CFAP299: variants seen among roughly 807,000 people sequenced by gnomAD.
CFAP299 encodes the protein cilia- and flagella-associated protein 299.
A neutral mutation model predicts 27.0 loss-of-function variants in CFAP299; 21 were observed. The observed-to-expected ratio is 0.78, with a 90% CI of 0.55 to 1.12. The LOEUF is 1.12. CFAP299 is among the 50% of genes most tolerant of loss of function. CFAP299 has a pLI of 0.00. For missense variants in CFAP299, 310 were observed against 276.6 expected (o/e 1.12, Z -0.86); for synonymous variants, 104 against 98.1 (o/e 1.06, Z -0.36).
intron 3 of CFAP299, among the ~76,000 whole-genome samples, chr4:80,792,133 T>C (rs1369654860): frequency 6.6e-6 from 1 of 152,082 alleles, no homozygotes; most frequent in African/African-American, 2.4e-5. Flanking sequence ...AGCCACTGTG[T>C]GTAAATATTA....
chr4:80,418,303 G>GTA lies in CFAP299; in HGVS notation c.242+55431_242+55432dup, dbSNP rs756104988. On this transcript the variant is annotated intron_variant, in intron 2 of 5. Coordinates refer to ENST00000358105, the MANE Select transcript of CFAP299 (RefSeq NM_152770.3). Reference sequence around the variant, plus strand: ...TACATGTATATGCATATGTACATGTGTATATATATATATGTTTGCTATTTC... The same window carrying GTA: ...TACATGTATATGCATATGTACATGTGTATATATATATATATGTTTGCTATTTC... Among the ~76,000 whole-genome samples the GTA allele has an allele frequency of 1.5e-3, 223 of 150,892 alleles. No homozygotes were observed. The Middle Eastern group carries it at 0.034, about 23-fold the overall frequency.
Position 80,832,205 on chromosome 4 carries a change from T to C in CFAP299, c.334-37788T>C, listed in dbSNP as rs183271747. Among the ~76,000 whole-genome samples, 490 of 152,276 alleles carry C rather than the reference T, an allele frequency of 3.2e-3. 1 individual carries two copies. The highest frequency in any genetic ancestry group is 5.1e-3 in the Non-Finnish European group (348 of 68,012). ...TAGGTCTGTGTGTCATTTTTAGCAG[T>C]ACAGGATACGCACTACATAACTCCA... On this transcript the variant is annotated intron_variant, in intron 3 of 5. Coordinates refer to ENST00000358105, the MANE Select transcript of CFAP299 (RefSeq NM_152770.3).
intron 5 of CFAP299, among the ~76,000 whole-genome samples, chr4:80,952,131 T>A (rs1737812173): frequency 1.3e-5 from 2 of 152,184 alleles, no homozygotes; most frequent in Admixed American, 1.3e-4. Flanking sequence ...AAGCATAAAC[T>A]GTTAAATGTA....
chr4:80,554,517 T>C (rs1734694507), intron 2 of CFAP299, among the ~76,000 whole-genome samples: 2 of 151,046 alleles, frequency 1.3e-5, no homozygotes, highest in African/African-American at 4.9e-5. Flanking sequence ...TTTTTTTTTT[T>C]TTTTTTTGTC....
intron 4 of CFAP299, among the ~76,000 whole-genome samples, chr4:80,909,472 T>C (rs891981302): frequency 2.9e-4 from 44 of 152,042 alleles, no homozygotes; most frequent in Non-Finnish European, 4.0e-4. Flanking sequence ...TAATAACATA[T>C]AATTTGAGTC....
intron 2 of CFAP299, among the ~76,000 whole-genome samples, chr4:80,472,859 G>A (rs921928980): frequency 3.9e-5 from 6 of 152,050 alleles, no homozygotes; most frequent in African/African-American, 1.5e-4. Context: ...CTCCAGGTTG[G>A]CTACTCCTGG....
At chr4:80,822,437 G>C (rs933699699) in intron 3 of CFAP299, among the ~76,000 whole-genome samples, 6 of 152,140 alleles carry the variant, frequency 3.9e-5, no homozygotes, top group Non-Finnish European at 2.9e-5. Flanking sequence ...CATATGATGA[G>C]AGTAGTTTGT....
At chr4:80,769,550 A>C (rs1252661927) in intron 3 of CFAP299, among the ~76,000 whole-genome samples, 1 of 152,084 alleles carries the variant, frequency 6.6e-6, no homozygotes, top group African/African-American at 2.4e-5. Context: ...ATAAGCCACC[A>C]TGTGCAGCTA....
At position 80,935,983 on chromosome 4, in the gene CFAP299, A is replaced by G. The variant is rs145504763; in HGVS notation, c.477-8827A>G. Among the ~76,000 whole-genome samples, 327 of 152,332 alleles carry G rather than the reference A, an allele frequency of 2.1e-3. 1 individual carries two copies. The East Asian group carries it at 0.029, about 13-fold the overall frequency. On this transcript the variant is annotated intron_variant, in intron 4 of 5. Coordinates refer to ENST00000358105, the MANE Select transcript of CFAP299 (RefSeq NM_152770.3). Reference sequence around the variant, plus strand: ...GAAAAGCTCAACATCACTGATCATTAGAGAAATGCAAATCAAAACCACAAT... The same window carrying G: ...GAAAAGCTCAACATCACTGATCATTGGAGAAATGCAAATCAAAACCACAAT...
At chr4:80,757,825 T>C (rs912318282) in intron 3 of CFAP299, among the ~76,000 whole-genome samples, 2 of 152,054 alleles carry the variant, frequency 1.3e-5, no homozygotes, top group Non-Finnish European at 2.9e-5. Flanking sequence ...GGAACTGGAA[T>C]GCATAGACTC....
intron 2 of CFAP299, among the ~76,000 whole-genome samples, chr4:80,558,983 A>G (rs1734914229): frequency 1.3e-5 from 2 of 152,108 alleles, no homozygotes; most frequent in South Asian, 4.1e-4. Flanking sequence ...CTGCAATAAA[A>G]CCACCTCAAA....
chr4:80,790,621 C>G (rs1478890425), intron 3 of CFAP299: 1 of 151,956 alleles, frequency 6.6e-6, no homozygotes, highest in Non-Finnish European at 1.5e-5. Flanking sequence ...CAGTTTGTAA[C>G]CCAGAAAAGG....
intron 3 of CFAP299, among the ~76,000 whole-genome samples, chr4:80,835,025 T>A (rs1730488200): frequency 1.3e-5 from 2 of 152,204 alleles, no homozygotes; most frequent in African/African-American, 4.8e-5. Context: ...ACTCTTTACT[T>A]TCCTTCACTA....
intron 2 of CFAP299, among the ~76,000 whole-genome samples, chr4:80,494,432 C>A (rs953060272): frequency 1.3e-5 from 2 of 152,172 alleles, no homozygotes; most frequent in Admixed American, 1.3e-4. Context: ...AGTTAACTTC[C>A]TTGCTTAAAA....
At chr4:80,864,352 T>C (rs2110162040) in intron 3 of CFAP299, among the ~76,000 whole-genome samples, 1 of 150,002 alleles carries the variant, frequency 6.7e-6, no homozygotes, top group South Asian at 2.1e-4. Context: ...ATTTGCCCCA[T>C]TCTGGATGCC....
intron 3 of CFAP299, among the ~76,000 whole-genome samples, chr4:80,867,110 AT>A (rs1241958194): frequency 1.6e-4 from 25 of 152,288 alleles, no homozygotes; most frequent in Admixed American, 5.2e-4. Flanking sequence ...TTCTAGTTCT[AT>A]CAATTTGTGC....
intron 3 of CFAP299, among the ~76,000 whole-genome samples, chr4:80,595,055 C>A (rs1000354909): frequency 6.6e-6 from 1 of 152,108 alleles, no homozygotes; most frequent in African/African-American, 2.4e-5. Flanking sequence ...AGTTATTAGT[C>A]GCCAGTCCTT....
rs1338913003 is a variant in CFAP299 at position 80,918,662 on chromosome 4, C to A, written c.477-26148C>A. 2.6e-5 allele frequency among the ~76,000 whole-genome samples: 4 copies of A among 151,906 alleles called. No homozygotes were observed. The East Asian group carries it at 7.7e-4, about 29-fold the overall frequency. ...TTTATGTAAAAAAAATTTATAAATT[C>A]TAATATTTGTTGCCGATCATATCTC... On this transcript the variant is annotated intron_variant, in intron 4 of 5. Coordinates refer to ENST00000358105, the MANE Select transcript of CFAP299 (RefSeq NM_152770.3).
intron 2 of CFAP299, among the ~76,000 whole-genome samples, chr4:80,554,871 G>A (rs1308275562): frequency 6.6e-6 from 1 of 152,160 alleles, no homozygotes; most frequent in African/African-American, 2.4e-5. Flanking sequence ...CATTGCTGAA[G>A]TAGTTTATCA....
Sources: allele counts gnomAD v4.1 joint callset (sites outside exome capture counted in the v4.1 genomes callset), GRCh38; gene constraint gnomAD v4.1.1; transcripts MANE v1.5; gene names NCBI Gene and HGNC (gene_info 2026-07-23, HGNC 2026-07-21).